SAMD12: variants seen among roughly 807,000 people sequenced by gnomAD.
SAMD12 encodes sterile alpha motif domain-containing protein 12.
In SAMD12, 9 loss-of-function variants were observed where a neutral mutation model predicts 15.0. That is an observed-to-expected ratio of 0.60 (90% confidence interval 0.36 to 1.05). The LOEUF (loss-of-function observed/expected upper bound fraction) is 1.05, where lower values mean the gene tolerates loss of function less well. Among genes scored for constraint, SAMD12 ranks in the 50% least tolerant of loss-of-function variants. The pLI is 0.01. For missense variants in SAMD12, 230 were observed against 234.2 expected, an observed-to-expected ratio of 0.98 and a Z score of 0.12; for synonymous variants, 86 against 90.1, an observed-to-expected ratio of 0.96 and a Z score of 0.25.
chr8:118,362,593 T>C (rs1490705267), intron 4 of SAMD12, among the ~76,000 whole-genome samples: 2 of 152,196 alleles, frequency 1.3e-5, no homozygotes, highest in East Asian at 3.8e-4. Context: ...CCTTCACCAA[T>C]GTTTAATAGT....
intron 4 of SAMD12, among the ~76,000 whole-genome samples, chr8:118,239,337 A>G (rs1403128192): frequency 6.6e-6 from 1 of 152,184 alleles, no homozygotes; most frequent in Non-Finnish European, 1.5e-5. Context: ...TGGAATTTAC[A>G]ATCTAATGAA....
chr8:118,473,737 G>T (rs1231408388), intron 2 of SAMD12, among the ~76,000 whole-genome samples: 2 of 152,086 alleles, frequency 1.3e-5, no homozygotes, highest in Non-Finnish European at 2.9e-5. Context: ...CTCGGCCTGG[G>T]AAGCATTGCT....
chr8:118,318,327 T>TATATACAC (rs1816038406), intron 4 of SAMD12, among the ~76,000 whole-genome samples: 2 of 35,056 alleles, frequency 5.7e-5, no homozygotes, highest in African/African-American at 7.7e-5. Flanking sequence ...TATATATATA[T>TATATACAC]ATATATATAT....
intron 4 of SAMD12, among the ~76,000 whole-genome samples, chr8:118,233,496 C>G (rs990550863): frequency 6.6e-6 from 1 of 152,126 alleles, no homozygotes; most frequent in African/African-American, 2.4e-5. Flanking sequence ...AACTGGGTAA[C>G]TTAAAAGAAG....
chr8:118,325,431 GTTTA>G (rs1816520633), intron 4 of SAMD12, among the ~76,000 whole-genome samples: 1 of 152,112 alleles, frequency 6.6e-6, no homozygotes, highest in South Asian at 2.1e-4. Context: ...GCTCCCCCGG[GTTTA>G]TTGAGGTATA....
In SAMD12 at chr8:118,379,436, T is replaced by C. The variant is rs145282991; in HGVS notation, c.587A>G (p.Glu196Gly). Residue 196 changes from glutamate to glycine, a missense_variant, in exon 4 of 4, where the codon GAA becomes GGA. Physicochemically the swap from Glu to Gly is moderately conservative, Grantham distance 98 (BLOSUM62 -2). Transcript: ENST00000314727. ...GTAATCTTAAATCTGTATACTATTTTCTATGATGGAAATTCTGTGAAGAAA... is the reference window on the plus strand; with the variant it reads ...GTAATCTTAAATCTGTATACTATTTCCTATGATGGAAATTCTGTGAAGAAA... ...LLFLHRISII[E>G]NSIQI 1.9e-6 allele frequency: 3 copies of C among 1,613,448 alleles called. No individual in the cohort carries two copies. The African/African-American group carries it at 4.0e-5, about 22-fold the overall frequency.
At chr8:118,315,469 T>C (rs1227283435) in intron 4 of SAMD12, among the ~76,000 whole-genome samples, 1 of 152,138 alleles carries the variant, frequency 6.6e-6, no homozygotes, top group East Asian at 1.9e-4. Flanking sequence ...CCTTATCCTT[T>C]GTAAGGCATC....
chr8:118,519,851 G>A (rs1041332755), intron 2 of SAMD12, among the ~76,000 whole-genome samples: 1 of 152,118 alleles, frequency 6.6e-6, no homozygotes, highest in African/African-American at 2.4e-5. Context: ...TCTAGTCTGT[G>A]TATTCTAGAT....
intron 2 of SAMD12, among the ~76,000 whole-genome samples, chr8:118,476,463 GATAA>G (rs776388163): frequency 3.9e-5 from 6 of 152,154 alleles, no homozygotes; most frequent in Admixed American, 2.0e-4. Context: ...CTTTTACAGA[GATAA>G]ATAAAGAATC....
At chr8:118,164,503 C>CA in the SAMD12 span, among the ~76,000 whole-genome samples, 1 of 152,030 alleles carries the variant, frequency 6.6e-6, no homozygotes, top group Admixed American at 6.6e-5. Flanking sequence ...CTTGAGTTCT[C>CA]TCTGGTTTTA....
the SAMD12 span, among the ~76,000 whole-genome samples, chr8:118,178,818 A>G: frequency 6.6e-6 from 1 of 152,224 alleles, no homozygotes; most frequent in South Asian, 2.1e-4. Flanking sequence ...CTGCCACAGC[A>G]GACAAATCCT....
rs1021221638 is a variant in SAMD12, at chr8:118,447,253, C to T, written c.193-7292G>A. Among the ~76,000 whole-genome samples the T allele has an allele frequency of 2.6e-5, 4 of 152,042 alleles. No individual in the cohort carries two copies. In the East Asian group the frequency reaches 5.8e-4, roughly 22 times the overall value. ...AGATTCCTGCATCTATGTACTAATA[C>T]AACAAACAGGTCATCCTGTTCTTTC... On this transcript the variant is annotated intron_variant, in intron 2 of 3. Transcript: ENST00000314727.
intron 4 of SAMD12, among the ~76,000 whole-genome samples, chr8:118,321,533 G>C (rs1463607535): frequency 1.3e-5 from 2 of 151,994 alleles, no homozygotes; most frequent in Admixed American, 6.6e-5. Context: ...AGAATTGCTT[G>C]AACCTAGGAG....
intron 2 of SAMD12, among the ~76,000 whole-genome samples, chr8:118,481,022 A>C (rs1437705802): frequency 6.6e-6 from 1 of 152,226 alleles, no homozygotes; most frequent in Non-Finnish European, 1.5e-5. Flanking sequence ...GGCTCACTGC[A>C]TCCTCTGCCT....
chr8:118,310,855 C>G (rs1204777891), intron 4 of SAMD12, among the ~76,000 whole-genome samples: 1 of 152,214 alleles, frequency 6.6e-6, no homozygotes, highest in East Asian at 1.9e-4. Flanking sequence ...CACCTGAGCC[C>G]TAACTAATAT....
intron 3 of SAMD12, among the ~76,000 whole-genome samples, chr8:118,432,625 C>A (rs1468921156): frequency 6.6e-6 from 1 of 152,092 alleles, no homozygotes; most frequent in Non-Finnish European, 1.5e-5. Flanking sequence ...ATCCTAGGAA[C>A]TAGAGATGAG....
chr8:118,402,963 A>C (rs553816541), intron 3 of SAMD12, among the ~76,000 whole-genome samples: 1 of 152,354 alleles, frequency 6.6e-6, no homozygotes, highest in South Asian at 2.1e-4. Flanking sequence ...GCCAGCCAGA[A>C]TACATAGTGA....
At chr8:118,342,542 G>C (rs1343259424) in intron 4 of SAMD12, among the ~76,000 whole-genome samples, 1 of 152,258 alleles carries the variant, frequency 6.6e-6, no homozygotes, top group East Asian at 1.9e-4. Context: ...AGAATATAGT[G>C]AGTTTCATTT....
At chr8:118,349,177 G>T (rs773685700) in intron 4 of SAMD12, among the ~76,000 whole-genome samples, 1 of 152,138 alleles carries the variant, frequency 6.6e-6, no homozygotes, top group Non-Finnish European at 1.5e-5. Flanking sequence ...ATGACAAACT[G>T]CCACTAGAAT....
Sources: allele counts gnomAD v4.1 joint callset (sites outside exome capture counted in the v4.1 genomes callset), GRCh38; gene constraint gnomAD v4.1.1; transcripts MANE v1.5; gene names NCBI Gene and HGNC (gene_info 2026-07-23, HGNC 2026-07-21).